RP1L1: variants seen among roughly 807,000 people sequenced by gnomAD.
RP1L1 encodes RP1 like 1, also known as retinitis pigmentosa 1-like 1 protein.
A neutral mutation model predicts 15.7 loss-of-function variants in RP1L1; 27 were observed. The ratio of observed to expected loss-of-function variants is 1.72; its 90% confidence interval spans 1.27 to 2.38. The LOEUF is 2.38. Ranked by LOEUF, RP1L1 falls within the 30% of genes most tolerant of loss-of-function variation. The pLI is 0.00. For synonymous variants in RP1L1, 1,813 were observed against 1,276.7 expected (o/e 1.42, Z -8.96); for missense variants, 4,798 against 3,075.9 (o/e 1.56, Z -13.24).
rs372681428 is a variant in RP1L1 at position 10,612,970 on chromosome 8, G to C, written c.1128C>G (p.Phe376Leu). 255 of 1,613,168 alleles carry C rather than the reference G, an allele frequency of 1.6e-4. 1 individual carries two copies. The Middle Eastern group carries it at 2.1e-3, about 14-fold the overall frequency. Residue 376 changes from phenylalanine (F) to leucine (L), a missense_variant, in exon 4 of 4, where the codon TTC (phenylalanine) becomes TTG (leucine). Phe to Leu is a conservative substitution (Grantham distance 22, BLOSUM62 0). Transcript: ENST00000382483. Reference protein sequence around the residue: ...CCVWEGYPWGFSEPGVWGPRP... With the variant: ...CCVWEGYPWGLSEPGVWGPRP... Reference sequence around the variant, plus strand: ...GGGGTCCCCACACCCCAGGCTCTGAGAAGCCCCAAGGGTAGCCCTCCCACA... The same window carrying C: ...GGGGTCCCCACACCCCAGGCTCTGACAAGCCCCAAGGGTAGCCCTCCCACA...
intron 1 of RP1L1, among the ~76,000 whole-genome samples, chr8:10,626,236 G>C (rs896187177): frequency 3.9e-5 from 5 of 128,466 alleles, no homozygotes; most frequent in African/African-American, 1.2e-4. Flanking sequence ...AGAGTGAATA[G>C]CGGGAGGATG....
At chr8:10,615,394 G>C (rs1270354987) in intron 3 of RP1L1, among the ~76,000 whole-genome samples, 1 of 152,162 alleles carries the variant, frequency 6.6e-6, no homozygotes, top group Non-Finnish European at 1.5e-5. Context: ...TGTATGGATG[G>C]ATGGATAATC....
chr8:10,651,933 A>T (rs1353017087), intron 1 of RP1L1, among the ~76,000 whole-genome samples: 1 of 152,092 alleles, frequency 6.6e-6, no homozygotes, highest in Non-Finnish European at 1.5e-5. Flanking sequence ...TGTGCCATTT[A>T]AAAAAATCTT....
chr8:10,608,968 A>G lies in RP1L1; in HGVS notation c.5130T>C (p.Pro1710=). 1 of 1,613,424 alleles carries G rather than the reference A, an allele frequency of 6.2e-7. No individual in the cohort carries two copies. Among genetic ancestry groups the G allele is most frequent in the South Asian group, 1.1e-5 (1 of 91,068 alleles). Residue 1710 remains proline (P), a synonymous_variant, in exon 4 of 4, where the codon CCT becomes CCC. Coordinates refer to ENST00000382483, the MANE Select transcript of RP1L1 (RefSeq NM_178857.6). ...HTDGEAAEVA[P]GKTHTDPTST... is the part of the protein sequence containing the mutation. ...TCGTGGGGTCCGTGTGGGTCTTGCC[A>G]GGGGCCACCTCTGCTGCCTCCCCAT...
chr8:10,617,993 A>G lies in RP1L1; in HGVS notation c.610-1406T>C, dbSNP rs118146029. 3.8e-4 allele frequency among the ~76,000 whole-genome samples: 58 copies of G among 152,306 alleles called. 3 individuals are homozygous for G. The East Asian group carries it at 0.011, about 29-fold the overall frequency. On this transcript the variant is annotated intron_variant, in intron 2 of 3. Coordinates refer to ENST00000382483, the MANE Select transcript of RP1L1 (RefSeq NM_178857.6). ...TTTGTCTGTTTATGTGGCACATGCT[A>G]GTCCACGGTAATGCCACTAACTCAA... is the stretch of plus-strand genomic sequence containing the variant.
intron 1 of RP1L1, among the ~76,000 whole-genome samples, chr8:10,641,047 A>G (rs1798399459): frequency 6.6e-6 from 1 of 152,246 alleles, no homozygotes; most frequent in South Asian, 2.1e-4. Context: ...CTGGGACTAC[A>G]GGCATATGTC....
rs1339769310 is a variant in RP1L1, at chr8:10,610,153, C to T, written c.3945G>A (p.Leu1315=). 1.9e-6 allele frequency: 3 copies of T among 1,612,384 alleles called. No individual in the cohort carries two copies. The highest frequency in any genetic ancestry group is 2.5e-6 in the Non-Finnish European group (3 of 1,179,058). The part of the protein sequence containing the change: ...ETKEGTEGEG[L]QEEAVQLEET... ...CCTCTAACTGCACCGCCTCTTCTTG[C>T]AGCCCTTCTCCTTCTGTTCCTTCTT... The change falls in exon 4 of 4, where the codon CTG becomes CTA. Residue 1315 remains leucine (L), a synonymous_variant. Coordinates refer to ENST00000382483, the MANE Select transcript of RP1L1 (RefSeq NM_178857.6).
Position 10,606,680 on chromosome 8 carries a change from A to T in RP1L1, c.*215T>A. On this transcript the variant is annotated 3_prime_UTR_variant, in exon 4 of 4. Coordinates refer to ENST00000382483, the MANE Select transcript of RP1L1 (RefSeq NM_178857.6). ...AGATCCGCAGACACCCCCTTTCTTC[A>T]CACTGCGTGTGGGACGGGCCGCAGA... is the stretch of plus-strand genomic sequence containing the variant. The T allele has an allele frequency of 1.4e-6, 1 of 735,652 alleles. No homozygotes were observed. Among genetic ancestry groups the T allele is most frequent in the Non-Finnish European group, 2.1e-6 (1 of 467,766 alleles). The allele number at this position is 735,652 out of a possible 1,614,324, so 45.6% of individuals were successfully genotyped here. A position where few individuals can be genotyped will look rare whatever the true frequency, so the allele number is the denominator to read the frequency against.
intron 1 of RP1L1, among the ~76,000 whole-genome samples, chr8:10,649,800 C>T (rs1798532027): frequency 6.6e-6 from 1 of 152,164 alleles, no homozygotes; most frequent in African/African-American, 2.4e-5. Flanking sequence ...CACGGGATTA[C>T]AGATGTGCAA....
rs13267180 is a variant in RP1L1 at position 10,608,972 on chromosome 8, G to A, written c.5126C>T (p.Ala1709Val). 0.45 allele frequency: 719,230 copies of A among 1,612,880 alleles called. 168,249 individuals carry two copies. Among genetic ancestry groups the A allele is most frequent in the Non-Finnish European group, 0.49 (574,126 of 1,179,096 alleles). Residue 1709 changes from alanine (A) to valine (V), a missense_variant, in exon 4 of 4, where the codon GCC (alanine) becomes GTC (valine). Ala to Val is a moderately conservative substitution (Grantham distance 64). Transcript: ENST00000382483. ...GGGGTCCGTGTGGGTCTTGCCAGGGGCCACCTCTGCTGCCTCCCCATCAGT... is the reference window on the plus strand; with the variant it reads ...GGGGTCCGTGTGGGTCTTGCCAGGGACCACCTCTGCTGCCTCCCCATCAGT... ...EHTDGEAAEV[A>V]PGKTHTDPTS...
At chr8:10,636,224 C>G (rs1214040271) in intron 1 of RP1L1, among the ~76,000 whole-genome samples, 1 of 152,156 alleles carries the variant, frequency 6.6e-6, no homozygotes, top group African/African-American at 2.4e-5. Context: ...TCCAGGACAC[C>G]CAATATCTTG....
Position 10,653,604 on chromosome 8 carries a change from C to T in RP1L1, c.-20+1294G>A, listed in dbSNP as rs192145513. Among the ~76,000 whole-genome samples, 98 of 151,790 alleles carry T rather than the reference C, an allele frequency of 6.5e-4. 1 individual carries two copies. Among genetic ancestry groups the T allele is most frequent in the Middle Eastern group, 3.4e-3 (1 of 294 alleles). On this transcript the variant is annotated intron_variant, in intron 1 of 3. Transcript: ENST00000382483. ...CACACCCACACCCACATCACATGTG[C>T]GCACACGCACCTGTACAAACATACA...
At chr8:10,635,567 C>A (rs1798316720) in intron 1 of RP1L1, among the ~76,000 whole-genome samples, 1 of 152,208 alleles carries the variant, frequency 6.6e-6, no homozygotes, top group Non-Finnish European at 1.5e-5. Flanking sequence ...AACTTCTGTA[C>A]TATGTTGCTC....
At chr8:10,613,608 A>C (rs1350236785) in intron 3 of RP1L1, among the ~76,000 whole-genome samples, 29 of 135,716 alleles carry the variant, frequency 2.1e-4, no homozygotes, top group South Asian at 4.6e-4. Flanking sequence ...TCCAAAAAAA[A>C]AAAAAAAAAA....
At chr8:10,636,769 C>A (rs748332056) in intron 1 of RP1L1, among the ~76,000 whole-genome samples, 1 of 152,340 alleles carries the variant, frequency 6.6e-6, no homozygotes, top group African/African-American at 2.4e-5. Flanking sequence ...TACTCCCAGC[C>A]GGGCCTGACC....
rs376627166 is a variant in RP1L1 at position 10,622,996 on chromosome 8, G to C, written c.206C>G (p.Ser69Cys). Residue 69 changes from serine (S) to cysteine (C), a missense_variant, in exon 2 of 4, where the codon TCC becomes TGC. Physicochemically the swap from Ser to Cys is moderately radical, Grantham distance 112. Coordinates refer to ENST00000382483, the MANE Select transcript of RP1L1 (RefSeq NM_178857.6). ...CCCAAAGGAGAGAGGCACGCGCTGGGAGAGCTCGTCCATGAGGGCGCTGAA... is the reference window on the plus strand; with the variant it reads ...CCCAAAGGAGAGAGGCACGCGCTGGCAGAGCTCGTCCATGAGGGCGCTGAA... ...KTFSALMDEL[S>C]QRVPLSFGVR... 1.2e-6 allele frequency: 2 copies of C among 1,614,050 alleles called. No individual in the cohort carries two copies. Among genetic ancestry groups the C allele is most frequent in the African/African-American group, 2.7e-5 (2 of 74,932 alleles).
intron 1 of RP1L1, among the ~76,000 whole-genome samples, chr8:10,639,547 ACT>A (rs1172263701): frequency 1.3e-5 from 2 of 151,926 alleles, no homozygotes; most frequent in Non-Finnish European, 1.5e-5. Flanking sequence ...TAATTTTTGA[ACT>A]TTTTGTAGAT....
Position 10,612,349 on chromosome 8 carries a change from A to G in RP1L1, c.1749T>C (p.Ser583=), listed in dbSNP as rs1585968482. Residue 583 remains serine, a synonymous_variant, in exon 4 of 4, where the codon TCT becomes TCC. Transcript: ENST00000382483. ...DPASPALSLS[S]LRSDDLQAET... ...CTGCCTGCAGGTCGTCACTCCTTAA[A>G]GATGAAAGACTCAGGGCTGGAGAAG... The G allele has an allele frequency of 6.2e-7, 1 of 1,613,180 alleles. No homozygotes were observed. Among genetic ancestry groups the G allele is most frequent in the Non-Finnish European group, 8.5e-7 (1 of 1,180,020 alleles).
chr8:10,610,225 C>G lies in RP1L1; in HGVS notation c.3873G>C (p.Gln1291His), dbSNP rs1307587979. Residue 1291 changes from glutamine to histidine, a missense_variant, in exon 4 of 4, where the codon CAG becomes CAC. Physicochemically the swap from Gln to His is conservative, Grantham distance 24. Coordinates refer to ENST00000382483, the MANE Select transcript of RP1L1 (RefSeq NM_178857.6). Reference protein sequence around the residue: ...EEQRASSNLEQLAENTVQEEV... With the variant: ...EEQRASSNLEHLAENTVQEEV... ...CTTCTTGCACTGTGTTTTCAGCTAA[C>G]TGCTCCAGGTTCGAGCTCGCCCTCT... is the stretch of plus-strand genomic sequence containing the variant. 1.3e-6 allele frequency: 2 copies of G among 1,593,540 alleles called. No individual in the cohort carries two copies. Among genetic ancestry groups the G allele is most frequent in the Non-Finnish European group, 1.7e-6 (2 of 1,169,906 alleles).
Sources: gnomAD v4.1 joint callset for allele counts (sites outside exome capture counted in the v4.1 genomes callset) on GRCh38, gnomAD v4.1.1 for gene constraint, MANE v1.5 for transcripts, NCBI Gene and HGNC (gene_info 2026-07-23, HGNC 2026-07-21) for gene names.